Variants in RPS6KA5 observed in about 807,000 individuals in gnomAD.
RPS6KA5 encodes the protein ribosomal protein S6 kinase A5.
A neutral mutation model predicts 85.5 loss-of-function variants in RPS6KA5; 27 were observed. The ratio of observed to expected loss-of-function variants is 0.32; its 90% CI spans 0.23 to 0.44. The LOEUF (loss-of-function observed/expected upper bound fraction) is 0.44. Ranked by LOEUF, RPS6KA5 falls within the 20% of genes least tolerant of loss-of-function variation. RPS6KA5 has a pLI of 1.00. For synonymous variants in RPS6KA5, 334 were observed against 348.2 expected, an observed-to-expected ratio of 0.96 and a Z score of 0.46; for missense variants, 811 against 980.9, an observed-to-expected ratio of 0.83 and a Z score of 2.31.
At chr14:90,944,908 T>C (rs1008405078) in intron 4 of RPS6KA5, among the ~76,000 whole-genome samples, 1 of 150,114 alleles carries the variant, frequency 6.7e-6, no homozygotes, top group African/African-American at 2.5e-5. Context: ...CGAGACCATA[T>C]GTCTATTTTT....
chr14:90,872,444 G>A, intron 16 of RPS6KA5, 122 bp from the exon 17 acceptor site: 1 of 1,266,132 alleles, frequency 7.9e-7, no homozygotes, highest in Non-Finnish European at 1.1e-6. Context: ...TGTTTTAAGG[G>A]AACAAAGCTC....
At chr14:90,891,733 C>T (rs1423410947) in intron 13 of RPS6KA5, among the ~76,000 whole-genome samples, 1 of 152,178 alleles carries the variant, frequency 6.6e-6, no homozygotes, top group Non-Finnish European at 1.5e-5. Context: ...AAAACATTAA[C>T]TAAAAATTGT....
chr14:90,984,229 G>C lies in RPS6KA5; in HGVS notation c.176-5705C>G, dbSNP rs912492793. 2.6e-5 allele frequency among the ~76,000 whole-genome samples: 4 copies of C among 152,328 alleles called. No homozygotes were observed. The East Asian group carries it at 5.8e-4, about 22-fold the overall frequency. ...TTGAGGTAGAGGTTCTACTTTTTGA[G>C]ACTGAGGGAAAGTACATTCTAAGAA... On this transcript the variant is annotated intron_variant, in intron 2 of 16. Transcript: ENST00000614987.
In RPS6KA5 at chr14:91,022,091, T is replaced by C. The variant is rs527720188; in HGVS notation, c.104-20932A>G. Among the ~76,000 whole-genome samples, 32 of 152,364 alleles carry C rather than the reference T, an allele frequency of 2.1e-4. No homozygotes were observed. The South Asian group carries it at 6.4e-3, about 31-fold the overall frequency. On this transcript the variant is annotated intron_variant, in intron 1 of 16. Coordinates refer to ENST00000614987, the MANE Select transcript of RPS6KA5 (RefSeq NM_004755.4). ...AATATTTATGCTGTACATGAACTTA[T>C]ATTGTATACATATGTGGTATGCGTG...
At chr14:90,925,578 C>G (rs914374939) in intron 5 of RPS6KA5, among the ~76,000 whole-genome samples, 1 of 152,102 alleles carries the variant, frequency 6.6e-6, no homozygotes, top group Non-Finnish European at 1.5e-5. Context: ...ACAACTTAGC[C>G]TGCCCAGAAT....
At chr14:90,967,482 T>C (rs937653876) in intron 3 of RPS6KA5, among the ~76,000 whole-genome samples, 1 of 152,184 alleles carries the variant, frequency 6.6e-6, no homozygotes. Context: ...AGCTTAATTA[T>C]AATGACTTAA....
intron 3 of RPS6KA5, among the ~76,000 whole-genome samples, chr14:90,964,090 G>A (rs1355720690): frequency 1.3e-5 from 2 of 152,092 alleles, no homozygotes; most frequent in African/African-American, 2.4e-5. Context: ...TGTAAAAAAC[G>A]GACTGGAAAG....
At chr14:91,059,969 AG>A in intron 1 of RPS6KA5, 1 of 916,354 alleles carries the variant, frequency 1.1e-6, no homozygotes, top group Non-Finnish European at 1.3e-6. Flanking sequence ...CCCCACGCGG[AG>A]GCAGGCGCAC....
intron 1 of RPS6KA5, among the ~76,000 whole-genome samples, chr14:91,022,010 G>C (rs2041804231): frequency 6.6e-6 from 1 of 152,092 alleles, no homozygotes; most frequent in African/African-American, 2.4e-5. Context: ...TACATATTTA[G>C]ATCATATATT....
rs1341949601 is a variant in RPS6KA5 at position 91,060,402 on chromosome 14, G to A, written c.33C>T (p.Ala11=). ...CGCCGCCGTCCGCGCTGGTCCCCGC[G>A]GCGCCGCCGCTGCTGCCACCCTCCT... MEEEGGSSGG[A]AGTSADGGDG... Residue 11 remains alanine, a synonymous_variant, in exon 1 of 17, where the codon GCC becomes GCT. Transcript: ENST00000614987. 27 of 1,505,176 alleles carry A rather than the reference G, an allele frequency of 1.8e-5. No individual in the cohort carries two copies. The highest frequency in any genetic ancestry group is 1.8e-4 in the Middle Eastern group (1 of 5,660). The allele number at this position is 1,505,176 out of a possible 1,614,324, so 93.2% of individuals were successfully genotyped here. A position where few individuals can be genotyped will look rare whatever the true frequency, so the allele number is the denominator to read the frequency against.
intron 8 of RPS6KA5, among the ~76,000 whole-genome samples, chr14:90,904,078 T>G (rs1050238980): frequency 3.9e-5 from 6 of 152,028 alleles, no homozygotes; most frequent in African/African-American, 1.2e-4. Flanking sequence ...GCCTCCTGAG[T>G]AGCTGGGACT....
chr14:90,882,780 G>C (rs1222246020), intron 14 of RPS6KA5, among the ~76,000 whole-genome samples: 3 of 151,804 alleles, frequency 2.0e-5, no homozygotes, highest in Non-Finnish European at 4.4e-5. Context: ...TTGTATGTGT[G>C]GAATTGCTTT....
intron 2 of RPS6KA5, among the ~76,000 whole-genome samples, chr14:90,995,603 A>G (rs149730850): frequency 6.6e-6 from 1 of 152,334 alleles, no homozygotes; most frequent in African/African-American, 2.4e-5. Flanking sequence ...TTTCTCCAGC[A>G]TAACTTCTGC....
At chr14:91,012,138 G>T (rs1437596168) in intron 1 of RPS6KA5, among the ~76,000 whole-genome samples, 1 of 152,030 alleles carries the variant, frequency 6.6e-6, no homozygotes, top group Non-Finnish European at 1.5e-5. Flanking sequence ...AAAAAAGAGG[G>T]AAACAAAGCC....
intron 1 of RPS6KA5, among the ~76,000 whole-genome samples, chr14:91,012,093 T>C (rs190621751): frequency 8.5e-4 from 129 of 152,312 alleles, no homozygotes; most frequent in African/African-American, 3.0e-3. Flanking sequence ...TGACAGATTT[T>C]TTTTTCTTTG....
intron 7 of RPS6KA5, among the ~76,000 whole-genome samples, chr14:90,917,066 G>C (rs180674883): frequency 6.6e-6 from 1 of 152,086 alleles, no homozygotes; most frequent in Non-Finnish European, 1.5e-5. Context: ...AGGCTAAGGC[G>C]ACCCTTAGTA....
At chr14:91,049,278 C>G (rs2042978091) in intron 1 of RPS6KA5, among the ~76,000 whole-genome samples, 1 of 152,104 alleles carries the variant, frequency 6.6e-6, no homozygotes, top group Non-Finnish European at 1.5e-5. Flanking sequence ...AGATAGAGCA[C>G]AAGTTCTTCC....
chr14:91,036,692 AT>A (rs1280605037), intron 1 of RPS6KA5, among the ~76,000 whole-genome samples: 2 of 152,222 alleles, frequency 1.3e-5, no homozygotes, highest in Non-Finnish European at 2.9e-5. Flanking sequence ...CTGGAGCTCA[AT>A]TTTGCCAGGA....
intron 1 of RPS6KA5, among the ~76,000 whole-genome samples, chr14:91,012,043 C>T (rs1359027293): frequency 6.6e-6 from 1 of 152,128 alleles, no homozygotes; most frequent in Admixed American, 6.5e-5. Flanking sequence ...ATTTCTAAAA[C>T]TTAAATTTTG....
Sources: gnomAD v4.1 joint callset for allele counts (sites outside exome capture counted in the v4.1 genomes callset) on GRCh38, gnomAD v4.1.1 for gene constraint, MANE v1.5 for transcripts, NCBI Gene and HGNC (gene_info 2026-07-23, HGNC 2026-07-21) for gene names.